The following RELN variants were observed in gnomAD, a reference collection of about 807,000 sequenced individuals.
RELN encodes the protein reelin.
A neutral mutation model predicts 427.6 loss-of-function variants in RELN; 108 were observed. The observed-to-expected ratio is 0.25, with a 90% CI of 0.22 to 0.30. RELN has a LOEUF of 0.30. Among genes scored for constraint, RELN ranks in the 10% least tolerant of loss-of-function variants. The pLI is 1.00. For synonymous variants in RELN, 1,524 were observed against 1,513.4 expected (o/e 1.01, Z -0.16); for missense variants, 3,715 against 4,302.8 (o/e 0.86, Z 3.82).
In RELN at chr7:103,491,817, G is replaced by A. The variant is rs71558641; in HGVS notation, c.9443+136C>T. The stretch of plus-strand genomic sequence containing the variant: ...GCACTCCAGCCTGGGCAACAAGAGC[G>A]AAACTGTCTCTCTCTCTCTCTCTCT... On this transcript the variant is annotated intron_variant, in intron 58 of 64. Transcript: ENST00000428762. 9,237 of 700,820 alleles carry A rather than the reference G, an allele frequency of 0.013. 124 individuals carry two copies. The highest frequency in any genetic ancestry group is 0.016 in the Non-Finnish European group (6,441 of 404,142). The allele number at this position is 700,820 out of a possible 1,614,324, so 43.4% of individuals were successfully genotyped here.
chr7:103,828,258 G>C (rs1452185912), intron 3 of RELN, among the ~76,000 whole-genome samples: 1 of 151,954 alleles, frequency 6.6e-6, no homozygotes, highest in Admixed American at 6.6e-5. Flanking sequence ...TTTTGAGCCT[G>C]GCAGGTGTTC....
chr7:103,510,972 G>A lies in RELN; in HGVS notation c.8153C>T (p.Thr2718Ile), dbSNP rs1299766612. 15 of 1,613,258 alleles carry A rather than the reference G, an allele frequency of 9.3e-6. No individual in the cohort carries two copies. In the South Asian group the frequency reaches 1.6e-4, roughly 18 times the overall value. ...NEHWLFHDDC[T>I]VERFCDSPDG... ...AGGGGAGTCACAGAATCTTTCTACT[G>A]TACAATCATCATGGAATAGCCAGTG... is the stretch of plus-strand genomic sequence containing the variant. The change falls in exon 51 of 65, where the codon ACA (threonine) becomes ATA (isoleucine). Residue 2718 changes from threonine (T) to isoleucine (I), a missense_variant. Physicochemically the swap from Thr to Ile is moderately conservative, Grantham distance 89. Around this residue, in one of 4 missense-constraint regions of RELN, gnomAD observed 1,310 missense variants for 1,643.0 expected, o/e 0.80. Transcript: ENST00000428762.
chr7:103,667,131 T>C (rs1292273427), intron 11 of RELN, among the ~76,000 whole-genome samples: 2 of 152,320 alleles, frequency 1.3e-5, no homozygotes, highest in East Asian at 1.9e-4. Flanking sequence ...AACATTTCTA[T>C]GGATTTGCAG....
chr7:103,487,870 G>A (rs538903086), intron 60 of RELN, among the ~76,000 whole-genome samples: 16 of 152,274 alleles, frequency 1.1e-4, no homozygotes, highest in East Asian at 1.9e-4. Context: ...TGGGTGGGGC[G>A]TGGTGGCTCA....
chr7:103,879,576 T>C (rs2237642), intron 2 of RELN, among the ~76,000 whole-genome samples: 19,013 of 152,188 alleles, frequency 0.12, 1,520 homozygotes, highest in East Asian at 0.36. Flanking sequence ...CACCAACAAC[T>C]AGGCTTCCTG....
chr7:103,546,780 T>A lies in RELN; in HGVS notation c.6303-1436A>T, dbSNP rs765248034. ...AATGTTTGTGGCATGTAATTTGTTG[T>A]GAAAGTCCTTATGAGCCAAACTAAG... On this transcript the variant is annotated intron_variant, in intron 41 of 64. Transcript: ENST00000428762. Among the ~76,000 whole-genome samples, 57 of 152,320 alleles carry A rather than the reference T, an allele frequency of 3.7e-4. No individual in the cohort carries two copies. In the Middle Eastern group the frequency reaches 0.017, roughly 45 times the overall value.
At chr7:103,531,308 C>A (rs560186026) in intron 46 of RELN, among the ~76,000 whole-genome samples, 5 of 152,292 alleles carry the variant, frequency 3.3e-5, no homozygotes, top group African/African-American at 1.2e-4. Context: ...GCTTTTTGTT[C>A]ATTTATTTAT....
At chr7:103,888,306 T>C (rs576174228) in intron 2 of RELN, among the ~76,000 whole-genome samples, 2 of 152,036 alleles carry the variant, frequency 1.3e-5, no homozygotes, top group East Asian at 3.9e-4. Flanking sequence ...AGTGAAGGTA[T>C]AGAGAGACCT....
intron 2 of RELN, among the ~76,000 whole-genome samples, chr7:103,851,492 T>C (rs1229568729): frequency 6.6e-6 from 1 of 152,066 alleles, no homozygotes; most frequent in African/African-American, 2.4e-5. Context: ...GAAAAATAAA[T>C]AAATCCCCCC....
At chr7:103,907,442 A>AAAAAAAAC (rs1795238320) in intron 2 of RELN, among the ~76,000 whole-genome samples, 1 of 145,980 alleles carries the variant, frequency 6.9e-6, no homozygotes, top group Non-Finnish European at 1.5e-5. Context: ...AAAAAAAAAA[A>AAAAAAAAC]AGCCAGGCAC....
intron 1 of RELN, among the ~76,000 whole-genome samples, chr7:103,920,566 G>GTTTTTTTT (rs1563092030): frequency 2.6e-4 from 30 of 114,686 alleles, no homozygotes; most frequent in African/African-American, 1.3e-3. Context: ...ACCAGTCTTT[G>GTTTTTTTT]GTTTTTTTTT....
intron 50 of RELN, chr7:103,514,118 G>A (rs1056501961): frequency 6.6e-6 from 1 of 152,064 alleles, no homozygotes; most frequent in African/African-American, 2.4e-5. Context: ...GTTGCTAGGG[G>A]CTGAGCTGGG....
intron 4 of RELN, among the ~76,000 whole-genome samples, chr7:103,772,433 T>A (rs1791592859): frequency 6.6e-6 from 1 of 152,186 alleles, no homozygotes; most frequent in Non-Finnish European, 1.5e-5. Context: ...AGGGTTGCTG[T>A]GAAGATTAGA....
In RELN at chr7:103,472,564, C is replaced by T. The variant is rs1454777506; in HGVS notation, c.*248G>A. 2.1e-6 allele frequency: 1 copy of T among 473,296 alleles called. No homozygotes were observed. Among genetic ancestry groups the T allele is most frequent in the Non-Finnish European group, 3.9e-6 (1 of 259,444 alleles). 29.3% of individuals were successfully genotyped at this position (473,296 alleles called of 1,614,324 possible). A position where few individuals can be genotyped will look rare whatever the true frequency, so the allele number is the denominator to read the frequency against. On this transcript the variant is annotated 3_prime_UTR_variant, in exon 65 of 65. Coordinates refer to ENST00000428762, the MANE Select transcript of RELN (RefSeq NM_005045.4). ...CTTATTGTCAATACTGCCACTGTAA[C>T]TGATATTACAACAGATCACAACTTT...
chr7:103,934,004 C>T (rs1304628917), intron 1 of RELN, among the ~76,000 whole-genome samples: 4 of 152,138 alleles, frequency 2.6e-5, no homozygotes, highest in Non-Finnish European at 5.9e-5. Context: ...TGATGAGAAA[C>T]AGCCAAAAAT....
chr7:103,906,909 C>T (rs901038721), intron 2 of RELN, among the ~76,000 whole-genome samples: 1 of 152,116 alleles, frequency 6.6e-6, no homozygotes, highest in African/African-American at 2.4e-5. Context: ...GGATGAATAT[C>T]TAAGGAATGT....
chr7:103,688,303 A>G (rs78026543), intron 10 of RELN, among the ~76,000 whole-genome samples: 2,927 of 152,272 alleles, frequency 0.019, 108 homozygotes, highest in African/African-American at 0.067. Context: ...GTTACACACT[A>G]GATAGTTTCC....
chr7:103,494,394 G>GTGTGTGTGTGTGTGTGTGTGTGT (rs774896895), intron 57 of RELN, among the ~76,000 whole-genome samples: 3,428 of 134,392 alleles, frequency 0.026, 52 homozygotes, highest in African/African-American at 0.031. Flanking sequence ...TGTGTGTGTG[G>GTGTGTGTGTGTGTGTGTGTGTGT]GATATGGTCT....
chr7:103,535,279 G>A (rs373241797), intron 46 of RELN, 37 bp downstream of exon 46: 63 of 1,603,292 alleles, frequency 3.9e-5, no homozygotes, highest in Non-Finnish European at 4.8e-5. Context: ...CTCACTATAC[G>A]TAGAAGCATG....
Sources: gnomAD v4.1 joint callset for allele counts (sites outside exome capture counted in the v4.1 genomes callset) on GRCh38, gnomAD v4.1.1 for gene constraint, gnomAD v4.1.1 regional missense constraint, MANE v1.5 for transcripts, NCBI Gene and HGNC (gene_info 2026-07-23, HGNC 2026-07-21) for gene names.